The following NOMO3 variants were observed in gnomAD, a reference collection of about 807,000 sequenced individuals.
The protein encoded by NOMO3 is NODAL modulator 3, also known as BOS complex subunit NOMO3.
NOMO3 carries 15 observed loss-of-function variants against 69.9 expected under a neutral mutation model. The observed-to-expected ratio is 0.21, with a 90% CI of 0.14 to 0.33. The LOEUF (loss-of-function observed/expected upper bound fraction) is 0.33, where lower values mean the gene tolerates loss of function less well. Ranked by LOEUF, NOMO3 falls within the 10% of genes least tolerant of loss-of-function variation. The probability of loss-of-function intolerance (pLI) is 1.00; values close to 1 mark genes in which losing one functional copy is unlikely to be tolerated. For synonymous variants in NOMO3, 89 were observed against 301.9 expected (o/e 0.29, Z 7.31); for missense variants, 218 against 761.0 (o/e 0.29, Z 8.39).
chr16:16,264,941 G>C, intron 14 of NOMO3, 102 bp from the exon 15 acceptor site: 1 of 713,770 alleles, frequency 1.4e-6, no homozygotes. Context: ...ATACACACCT[G>C]CTTTTTAAAA....
chr16:16,255,992 T>C lies in NOMO3; in HGVS notation c.1070-16T>C. On this transcript the variant is annotated splice_polypyrimidine_tract_variant and intron_variant, in intron 10 of 30. Coordinates refer to ENST00000399336, the MANE Select transcript of NOMO3 (RefSeq NM_001004067.4). ...GTTTTTGGCTTATCTTCTGTTTGTG[T>C]GTTTTTGTTTTACAGTTAAAACAAA... The C allele has an allele frequency of 6.3e-7, 1 of 1,581,094 alleles. No individual in the cohort carries two copies. The highest frequency in any genetic ancestry group is 8.5e-7 in the Non-Finnish European group (1 of 1,173,500).
chr16:16,255,204 C>T (rs1269665360), intron 9 of NOMO3, among the ~76,000 whole-genome samples: 6 of 141,064 alleles, frequency 4.3e-5, no homozygotes, highest in Non-Finnish European at 8.9e-5. Context: ...TGAACCACTG[C>T]GCCTGGCCTA....
rs2141255999 is a variant in NOMO3 at position 16,257,560 on chromosome 16, G to T, written c.1220+1402G>T. ...GGTAAATCCTGAAGATTTGGCCGCAGGTGGCAGCCAGGACCTCAAATATGT... is the reference window on the plus strand; with the variant it reads ...GGTAAATCCTGAAGATTTGGCCGCATGTGGCAGCCAGGACCTCAAATATGT... On this transcript the variant is annotated intron_variant, in intron 11 of 30. Coordinates refer to ENST00000399336, the MANE Select transcript of NOMO3 (RefSeq NM_001004067.4). Among the ~76,000 whole-genome samples, 2 of 139,260 alleles carry T rather than the reference G, an allele frequency of 1.4e-5. 1 individual carries two copies. Among genetic ancestry groups the T allele is most frequent in the African/African-American group, 6.2e-5 (2 of 32,506 alleles). The allele number at this position is 139,260 out of a possible 152,430, so 91.4% of individuals were successfully genotyped here.
intron 1 of NOMO3, 38 bp from the exon 2 acceptor site, chr16:16,236,863 C>A: frequency 7.5e-7 from 1 of 1,332,822 alleles, no homozygotes; most frequent in Non-Finnish European, 1.0e-6. Flanking sequence ...TTCCCAAAGG[C>A]AATGTTATGA....
At chr16:16,272,780 CT>C (rs1370054563) in intron 18 of NOMO3, among the ~76,000 whole-genome samples, 3 of 152,160 alleles carry the variant, frequency 2.0e-5, no homozygotes, top group Non-Finnish European at 4.4e-5. Flanking sequence ...ACTGCAGCAG[CT>C]TCTCAGCTGG....
intron 15 of NOMO3, among the ~76,000 whole-genome samples, chr16:16,266,408 C>T: frequency 2.0e-5 from 2 of 99,484 alleles, no homozygotes; most frequent in East Asian, 4.2e-4. Context: ...TTTTTTTTGA[C>T]ACTTCCTTAA....
At chr16:16,237,869 T>A (rs1343208072) in intron 2 of NOMO3, among the ~76,000 whole-genome samples, 1 of 144,584 alleles carries the variant, frequency 6.9e-6, no homozygotes, top group Non-Finnish European at 1.5e-5. Flanking sequence ...AATTTTGATG[T>A]GCATCCTAAC....
At chr16:16,246,482 A>G (rs1370118441) in intron 5 of NOMO3, among the ~76,000 whole-genome samples, 2 of 133,176 alleles carry the variant, frequency 1.5e-5, no homozygotes, top group Non-Finnish European at 3.1e-5. Flanking sequence ...AATACCTTTC[A>G]TCTGCACTAA....
intron 6 of NOMO3, among the ~76,000 whole-genome samples, chr16:16,249,754 T>C (rs1473711398): frequency 1.4e-5 from 2 of 143,912 alleles, no homozygotes; most frequent in Non-Finnish European, 1.5e-5. Flanking sequence ...GGATAATGTT[T>C]ATCTTCCTGG....
chr16:16,261,262 C>G (rs1436255842), intron 11 of NOMO3: 1 of 524,500 alleles, frequency 1.9e-6, no homozygotes, highest in Non-Finnish European at 3.3e-6. Flanking sequence ...AACAGCCCCA[C>G]TACGGGCCCC....
intron 16 of NOMO3, 191 bp downstream of exon 16, chr16:16,267,322 C>G (rs1344446821): frequency 2.5e-5 from 14 of 567,514 alleles, no homozygotes; most frequent in Non-Finnish European, 4.0e-5. Context: ...CCTTTCACCT[C>G]CAAAAATATA....
chr16:16,257,407 T>G (rs1007889345), intron 11 of NOMO3, among the ~76,000 whole-genome samples: 3 of 126,632 alleles, frequency 2.4e-5, no homozygotes, highest in Non-Finnish European at 4.7e-5. Flanking sequence ...ATATTTAGGG[T>G]GCCCAGCTTG....
chr16:16,268,516 G>A (rs566031859), intron 16 of NOMO3, among the ~76,000 whole-genome samples: 1 of 143,780 alleles, frequency 7.0e-6, no homozygotes, highest in Non-Finnish European at 1.5e-5. Flanking sequence ...TGGTTCCCAA[G>A]ATAAAATACA....
chr16:16,235,927 C>T lies in NOMO3; in HGVS notation c.166-974C>T, dbSNP rs184962986. ...TGTCTGCACCTGAAGAAACCGAACA[C>T]GAGCTTGCCCAAGGCCACGCAACAC... is the stretch of plus-strand genomic sequence containing the variant. On this transcript the variant is annotated intron_variant, in intron 1 of 30. Transcript: ENST00000399336. 2.1e-5 allele frequency: 9 copies of T among 424,006 alleles called. 1 individual carries two copies. The highest frequency in any genetic ancestry group is 3.4e-4 in the Middle Eastern group (1 of 2,904). 26.3% of individuals were successfully genotyped at this position (424,006 alleles called of 1,614,324 possible).
chr16:16,249,763 G>T (rs1485264373), intron 6 of NOMO3, among the ~76,000 whole-genome samples: 3 of 143,748 alleles, frequency 2.1e-5, no homozygotes, highest in Admixed American at 1.4e-4. Context: ...TTATCTTCCT[G>T]GGGTGTTAGT....
chr16:16,258,575 C>T (rs1388509386), intron 11 of NOMO3, among the ~76,000 whole-genome samples: 3 of 139,962 alleles, frequency 2.1e-5, no homozygotes, highest in Non-Finnish European at 4.5e-5. Context: ...TAGGAGTTGT[C>T]TGTTGGTTGG....
intron 2 of NOMO3, among the ~76,000 whole-genome samples, chr16:16,237,968 C>A (rs1222790274): frequency 8.1e-4 from 115 of 141,558 alleles, no homozygotes; most frequent in African/African-American, 3.3e-3. Flanking sequence ...ACATGCACAT[C>A]GATATGTATC....
In NOMO3 at chr16:16,255,037, C is replaced by T. The variant is rs1191146749; in HGVS notation, c.964-683C>T. 6.2e-5 allele frequency among the ~76,000 whole-genome samples: 9 copies of T among 144,198 alleles called. 1 individual carries two copies. The East Asian group carries it at 9.0e-4, about 14-fold the overall frequency. 94.6% of individuals were successfully genotyped at this position (144,198 alleles called of 152,430 possible). A position where few individuals can be genotyped will look rare whatever the true frequency, so the allele number is the denominator to read the frequency against. ...AAGTGATTCTCCTGCCTCAGCCTCC[C>T]GAGTAGCTGGGATTACAGGCGCCCG... On this transcript the variant is annotated intron_variant, in intron 9 of 30. Transcript: ENST00000399336.
At chr16:16,255,321 C>T (rs941992135) in intron 9 of NOMO3, among the ~76,000 whole-genome samples, 4 of 140,410 alleles carry the variant, frequency 2.8e-5, no homozygotes, top group Non-Finnish European at 5.9e-5. Context: ...GCTGGAGGAG[C>T]GGGGCGGGTC....
Sources: gnomAD v4.1 joint callset for allele counts (sites outside exome capture counted in the v4.1 genomes callset) on GRCh38, gnomAD v4.1.1 for gene constraint, MANE v1.5 for transcripts, NCBI Gene and HGNC (gene_info 2026-07-23, HGNC 2026-07-21) for gene names.